Variants in KANSL1L observed in about 807,000 individuals in gnomAD.
KANSL1L encodes KAT8 regulatory NSL complex subunit 1-like protein.
KANSL1L carries 25 observed loss-of-function variants against 108.6 expected under a neutral mutation model. That is an observed-to-expected ratio of 0.23 (90% CI 0.17 to 0.32). The LOEUF (loss-of-function observed/expected upper bound fraction) is 0.32, where lower values mean the gene tolerates loss of function less well. Among genes scored for constraint, KANSL1L ranks in the 10% least tolerant of loss-of-function variants. The pLI, the probability that KANSL1L is intolerant of heterozygous loss-of-function variation, is 1.00. For synonymous variants in KANSL1L, 405 were observed against 395.1 expected (o/e 1.03, Z -0.30); for missense variants, 1,137 against 1,125.7 (o/e 1.01, Z -0.14).
At position 210,075,558 on chromosome 2, in the gene KANSL1L, A is replaced by G. The variant is rs1401770568; in HGVS notation, c.1749T>C (p.Thr583=). The G allele has an allele frequency of 1.9e-6, 3 of 1,611,284 alleles. No homozygotes were observed. Among genetic ancestry groups the G allele is most frequent in the Non-Finnish European group, 2.5e-6 (3 of 1,177,600 alleles). ...LYRLSPTFYW[T]PQTLPSKETA... ...TTCCCAAAGGCAGCCTTACCTGTGG[A>G]GTCCAATAAAAAGTAGGGCTCAATC... Residue 583 remains threonine (T), a synonymous_variant, in exon 6 of 15, where the codon ACT becomes ACC. Transcript: ENST00000281772.
At chr2:210,056,405 ATGT>A (rs1210096763) in intron 6 of KANSL1L, among the ~76,000 whole-genome samples, 2 of 152,240 alleles carry the variant, frequency 1.3e-5, no homozygotes, top group South Asian at 2.1e-4. Flanking sequence ...TGATTCCCTG[ATGT>A]TGTGCTAATC....
At chr2:210,045,967 G>C (rs181989805) in intron 6 of KANSL1L, among the ~76,000 whole-genome samples, 52 of 152,198 alleles carry the variant, frequency 3.4e-4, no homozygotes, top group Admixed American at 1.2e-3. Context: ...GTAAATAATA[G>C]AAATTTACTT....
chr2:210,137,632 A>C (rs1401304503), intron 2 of KANSL1L, among the ~76,000 whole-genome samples: 1 of 152,232 alleles, frequency 6.6e-6, no homozygotes, highest in African/African-American at 2.4e-5. Flanking sequence ...TTACATGCAT[A>C]AATTTGAAAT....
At chr2:210,150,791 A>G (rs1454613996) in intron 2 of KANSL1L, among the ~76,000 whole-genome samples, 1 of 151,882 alleles carries the variant, frequency 6.6e-6, no homozygotes, top group Non-Finnish European at 1.5e-5. Context: ...TTAAAAAAAA[A>G]AAAAAAGAAA....
intron 1 of KANSL1L, among the ~76,000 whole-genome samples, chr2:210,164,833 A>T (rs1687827870): frequency 6.6e-6 from 1 of 150,632 alleles, no homozygotes; most frequent in East Asian, 1.9e-4. Flanking sequence ...TCTTGGGTAT[A>T]AATTTTACTT....
intron 5 of KANSL1L, among the ~76,000 whole-genome samples, chr2:210,095,466 G>GA (rs1553658018): frequency 2.0e-5 from 3 of 152,012 alleles, no homozygotes; most frequent in Non-Finnish European, 4.4e-5. Context: ...TTTGGCATAC[G>GA]AAACAATAGA....
At chr2:210,046,224 CTCAT>C (rs2094221493) in intron 6 of KANSL1L, among the ~76,000 whole-genome samples, 2 of 152,278 alleles carry the variant, frequency 1.3e-5, no homozygotes, top group East Asian at 1.9e-4. Flanking sequence ...TTGGGGGAGA[CTCAT>C]TCAGTCTATA....
intron 1 of KANSL1L, among the ~76,000 whole-genome samples, chr2:210,170,868 G>A (rs1688296584): frequency 6.6e-6 from 1 of 151,424 alleles, no homozygotes; most frequent in Admixed American, 6.6e-5. Context: ...CGGCGTCCAG[G>A]TCCGCCCCCA....
chr2:210,065,964 G>A (rs1299460881), intron 6 of KANSL1L, among the ~76,000 whole-genome samples: 1 of 152,182 alleles, frequency 6.6e-6, no homozygotes, highest in African/African-American at 2.4e-5. Flanking sequence ...GACATCAGGG[G>A]TCTTGGAAGG....
intron 5 of KANSL1L, among the ~76,000 whole-genome samples, chr2:210,090,047 T>C (rs2094678886): frequency 6.6e-6 from 1 of 152,146 alleles, no homozygotes; most frequent in Non-Finnish European, 1.5e-5. Context: ...AGAGTAAGAA[T>C]AGCTGAATCA....
intron 2 of KANSL1L, among the ~76,000 whole-genome samples, chr2:210,146,771 T>C (rs1274748398): frequency 6.6e-6 from 1 of 152,206 alleles, no homozygotes. Context: ...GATTCACTGA[T>C]TTATAGCAAG....
intron 2 of KANSL1L, among the ~76,000 whole-genome samples, chr2:210,144,689 ACTC>A (rs1351601284): frequency 1.3e-5 from 2 of 150,586 alleles, no homozygotes; most frequent in Non-Finnish European, 3.0e-5. Context: ...ATTCTGTTAA[ACTC>A]CTCATTTTAT....
intron 3 of KANSL1L, among the ~76,000 whole-genome samples, chr2:210,119,620 G>A (rs2094994843): frequency 6.6e-6 from 1 of 152,082 alleles, no homozygotes; most frequent in African/African-American, 2.4e-5. Flanking sequence ...CTGAAACAGT[G>A]TTTAAGAAAA....
chr2:210,113,371 A>C (rs2094926788), intron 3 of KANSL1L, among the ~76,000 whole-genome samples: 1 of 152,170 alleles, frequency 6.6e-6, no homozygotes, highest in Non-Finnish European at 1.5e-5. Context: ...TTAACTATAC[A>C]CTTCAGGCTT....
At chr2:210,066,702 C>T (rs2125298053) in intron 6 of KANSL1L, among the ~76,000 whole-genome samples, 1 of 152,330 alleles carries the variant, frequency 6.6e-6, no homozygotes, top group East Asian at 1.9e-4. Context: ...TTTCACTCAA[C>T]ATATTGTCTG....
chr2:210,081,116 A>G (rs1317351090), intron 5 of KANSL1L, among the ~76,000 whole-genome samples: 1 of 151,992 alleles, frequency 6.6e-6, no homozygotes. Context: ...CAGAAAAACA[A>G]AACAAACAAA....
rs75088437 is a variant in KANSL1L at position 210,090,407 on chromosome 2, G to A, written c.1550+7679C>T. On this transcript the variant is annotated intron_variant, in intron 5 of 14. Coordinates refer to ENST00000281772, the MANE Select transcript of KANSL1L (RefSeq NM_152519.4). The stretch of plus-strand genomic sequence containing the variant: ...GGATTAGAGGGGACACTGAGTGATT[G>A]TCAAATGTGGGTTAAGACTATAAAT... Among the ~76,000 whole-genome samples the A allele has an allele frequency of 2.6e-5, 4 of 152,310 alleles. No homozygotes were observed. In the South Asian group the frequency reaches 8.3e-4, roughly 32 times the overall value.
At chr2:210,129,613 A>T (rs2095101609) in intron 2 of KANSL1L, among the ~76,000 whole-genome samples, 1 of 152,186 alleles carries the variant, frequency 6.6e-6, no homozygotes, top group African/African-American at 2.4e-5. Context: ...AGCATATTCG[A>T]TTTTACTATA....
rs950435719 is a variant in KANSL1L at position 210,021,899 on chromosome 2, G to A, written c.*1050C>T. 2 of 150,804 alleles carry A rather than the reference G, an allele frequency of 1.3e-5. No individual in the cohort carries two copies. The highest frequency in any genetic ancestry group is 3.0e-5 in the Non-Finnish European group (2 of 67,770). The allele number at this position is 150,804 out of a possible 1,614,324, so 9.3% of individuals were successfully genotyped here. A position where few individuals can be genotyped will look rare whatever the true frequency, so the allele number is the denominator to read the frequency against. On this transcript the variant is annotated 3_prime_UTR_variant, in exon 15 of 15. Transcript: ENST00000281772. Reference sequence around the variant, plus strand: ...ATCTAGGATGCAAGCAAGAATATATGTTTATTTGAATAGAGTAAGCTATGG... The same window carrying A: ...ATCTAGGATGCAAGCAAGAATATATATTTATTTGAATAGAGTAAGCTATGG...
Sources: gnomAD v4.1 joint callset for allele counts (sites outside exome capture counted in the v4.1 genomes callset) on GRCh38, gnomAD v4.1.1 for gene constraint, MANE v1.5 for transcripts, NCBI Gene and HGNC (gene_info 2026-07-23, HGNC 2026-07-21) for gene names.